WWOX: variants seen among roughly 807,000 people sequenced by gnomAD.
The protein encoded by WWOX is WW domain-containing oxidoreductase.
Under a neutral mutation model 46.2 loss-of-function variants are expected in WWOX, and 69 were observed. The observed-to-expected ratio is 1.49, with a 90% CI of 1.23 to 1.82. The LOEUF is 1.82. Ranked by LOEUF, WWOX falls within the 40% of genes most tolerant of loss-of-function variation. WWOX has a pLI of 0.00. For synonymous variants in WWOX, 359 were observed against 202.6 expected (o/e 1.77, Z -6.56); for missense variants, 919 against 542.6 (o/e 1.69, Z -6.89).
intron 8 of WWOX, among the ~76,000 whole-genome samples, chr16:79,065,560 C>G (rs1010275193): frequency 2.6e-5 from 4 of 152,114 alleles, no homozygotes; most frequent in Non-Finnish European, 5.9e-5. Flanking sequence ...TCCAAAAAAA[C>G]CAGTCTTAGG....
chr16:78,675,942 C>T (rs2047587610), intron 8 of WWOX, among the ~76,000 whole-genome samples: 1 of 152,008 alleles, frequency 6.6e-6, no homozygotes, highest in Non-Finnish European at 1.5e-5. Context: ...AATTTAAATC[C>T]TTCTCTGTCC....
intron 8 of WWOX, among the ~76,000 whole-genome samples, chr16:78,624,206 C>CTT (rs201758464): frequency 3.7e-5 from 5 of 134,812 alleles, no homozygotes; most frequent in East Asian, 2.1e-4. Flanking sequence ...ATTTTCTAAT[C>CTT]TTTTTTTTTT....
chr16:79,191,142 C>G (rs1339298606), intron 8 of WWOX, among the ~76,000 whole-genome samples: 1 of 152,192 alleles, frequency 6.6e-6, no homozygotes, highest in Non-Finnish European at 1.5e-5. Context: ...CAGCCTCCGC[C>G]TCTCGGGTTC....
At chr16:78,634,172 T>G (rs1224358069) in intron 8 of WWOX, among the ~76,000 whole-genome samples, 4 of 152,176 alleles carry the variant, frequency 2.6e-5, no homozygotes, top group African/African-American at 9.7e-5. Context: ...CATTAGAGAT[T>G]CGCTTTTTTG....
intron 8 of WWOX, among the ~76,000 whole-genome samples, chr16:79,136,469 T>A (rs2049983791): frequency 6.6e-6 from 1 of 152,160 alleles, no homozygotes; most frequent in South Asian, 2.1e-4. Flanking sequence ...GACCTCATGA[T>A]CCACCCGCCT....
intron 8 of WWOX, among the ~76,000 whole-genome samples, chr16:78,736,617 A>T (rs1264523714): frequency 3.3e-5 from 5 of 151,252 alleles, no homozygotes; most frequent in African/African-American, 1.2e-4. Context: ...TGTTTTACTG[A>T]GATAGGATCT....
chr16:79,097,797 T>G (rs1306667908), intron 8 of WWOX, among the ~76,000 whole-genome samples: 2 of 152,196 alleles, frequency 1.3e-5, no homozygotes, highest in East Asian at 3.9e-4. Flanking sequence ...GAGTGGGAAC[T>G]GAGGAGATTC....
At chr16:79,167,100 C>T (rs2050609555) in intron 8 of WWOX, among the ~76,000 whole-genome samples, 1 of 152,048 alleles carries the variant, frequency 6.6e-6, no homozygotes, top group Non-Finnish European at 1.5e-5. Flanking sequence ...GCTACCACGG[C>T]CGGCTAATTT....
Position 78,521,384 on chromosome 16 carries a change from G to T in WWOX, c.1056+88632G>T, listed in dbSNP as rs10468362. Among the ~76,000 whole-genome samples, 6 of 152,078 alleles carry T rather than the reference G, an allele frequency of 3.9e-5. No individual in the cohort carries two copies. In the East Asian group the frequency reaches 1.2e-3, roughly 29 times the overall value. On this transcript the variant is annotated intron_variant, in intron 8 of 8. Transcript: ENST00000566780. ...ATATTATTTTTTAATGGGGGTGTGT[G>T]GGTGGGTGGTGATGGGGATATTCCA... is the stretch of plus-strand genomic sequence containing the variant.
rs573495254 is a variant in WWOX, at chr16:78,696,746, C to T, written c.1056+263994C>T. ...AGTTCTTTACTGGTGATTGGCGAGA[C>T]TTTGGTGCACCCATCACTCGAGCAG... On this transcript the variant is annotated intron_variant, in intron 8 of 8. Transcript: ENST00000566780. Among the ~76,000 whole-genome samples the T allele has an allele frequency of 3.9e-5, 6 of 152,138 alleles. No individual in the cohort carries two copies. The South Asian group carries it at 1.2e-3, about 32-fold the overall frequency.
chr16:79,129,677 A>G (rs1392825397), intron 8 of WWOX, among the ~76,000 whole-genome samples: 1 of 152,124 alleles, frequency 6.6e-6, no homozygotes, highest in Admixed American at 6.5e-5. Flanking sequence ...TCCTTTATGG[A>G]CTGCATTCCA....
intron 8 of WWOX, among the ~76,000 whole-genome samples, chr16:79,022,311 T>C (rs567602294): frequency 2.1e-5 from 3 of 139,784 alleles, no homozygotes; most frequent in Non-Finnish European, 3.0e-5. Flanking sequence ...GGGACAGATT[T>C]TGGGGGCAAG....
chr16:78,379,542 C>G (rs766296634), intron 5 of WWOX, among the ~76,000 whole-genome samples: 2 of 152,190 alleles, frequency 1.3e-5, no homozygotes, highest in African/African-American at 2.4e-5. Flanking sequence ...CTGCTTTGTG[C>G]TGCTAGATTT....
At chr16:79,198,568 A>G (rs2051286667) in intron 8 of WWOX, among the ~76,000 whole-genome samples, 1 of 152,182 alleles carries the variant, frequency 6.6e-6, no homozygotes, top group Admixed American at 6.5e-5. Flanking sequence ...CATTAATCAT[A>G]CTACGGGATA....
intron 8 of WWOX, among the ~76,000 whole-genome samples, chr16:78,518,200 T>C (rs2043278514): frequency 6.6e-6 from 1 of 152,064 alleles, no homozygotes. Context: ...TAGTTGTTGC[T>C]GTTTTTGTTA....
chr16:78,460,657 A>G (rs184710898), intron 8 of WWOX, among the ~76,000 whole-genome samples: 16 of 152,328 alleles, frequency 1.1e-4, no homozygotes, highest in Admixed American at 4.6e-4. Flanking sequence ...GACGTGTCCA[A>G]TGACCTGCTG....
intron 8 of WWOX, among the ~76,000 whole-genome samples, chr16:79,133,411 A>G (rs965913594): frequency 5.9e-5 from 9 of 152,222 alleles, no homozygotes; most frequent in East Asian, 1.9e-4. Flanking sequence ...AATATAAACT[A>G]TGACACACAT....
In WWOX at chr16:78,526,850, G is replaced by A. The variant is rs114710230; in HGVS notation, c.1056+94098G>A. Among the ~76,000 whole-genome samples, 805 of 152,300 alleles carry A rather than the reference G, an allele frequency of 5.3e-3. 9 individuals carry two copies. Among genetic ancestry groups the A allele is most frequent in the African/African-American group, 0.018 (768 of 41,558 alleles). ...GGGTCTGGGAGGGAGGAGCCAGCCT[G>A]GCCTGGTCTGGCCTGGCCCAGTGTG... On this transcript the variant is annotated intron_variant, in intron 8 of 8. Transcript: ENST00000566780.
At chr16:78,334,549 C>G (rs947204736) in intron 5 of WWOX, among the ~76,000 whole-genome samples, 1 of 152,056 alleles carries the variant, frequency 6.6e-6, no homozygotes, top group African/African-American at 2.4e-5. Context: ...TTCCAGCCAT[C>G]ATTCTGTTCA....
Sources: allele counts gnomAD v4.1 joint callset (sites outside exome capture counted in the v4.1 genomes callset), GRCh38; gene constraint gnomAD v4.1.1; transcripts MANE v1.5; gene names NCBI Gene and HGNC (gene_info 2026-07-23, HGNC 2026-07-21).